Variants in KATNIP observed in about 807,000 individuals in gnomAD.
The protein encoded by KATNIP is katanin interacting protein.
In KATNIP, 126 loss-of-function variants were observed where a neutral mutation model predicts 174.0. That is an observed-to-expected ratio of 0.72 (90% confidence interval 0.63 to 0.84). The LOEUF (loss-of-function observed/expected upper bound fraction) is 0.84. Among genes scored for constraint, KATNIP ranks in the 40% least tolerant of loss-of-function variants. KATNIP has a pLI of 0.00. For synonymous variants in KATNIP, 810 were observed against 835.7 expected, an observed-to-expected ratio of 0.97 and a Z score of 0.53; for missense variants, 1,958 against 2,109.7, an observed-to-expected ratio of 0.93 and a Z score of 1.41.
At chr16:27,697,857 A>G (rs1027605878) in intron 8 of KATNIP, among the ~76,000 whole-genome samples, 5 of 152,102 alleles carry the variant, frequency 3.3e-5, no homozygotes, top group Admixed American at 1.3e-4. Context: ...TGCAGACGTC[A>G]TTCCCCTTTA....
chr16:27,779,955 T>C lies in KATNIP; in HGVS notation c.*1326T>C, dbSNP rs995562629. On this transcript the variant is annotated 3_prime_UTR_variant, in exon 28 of 28. Transcript: ENST00000261588. The stretch of plus-strand genomic sequence containing the variant: ...GCAGCTATGCAAACGCGCTTTTCAT[T>C]TGGAGCACGGGGCTGATGTGAAGAT... 1.3e-5 allele frequency: 2 copies of C among 152,178 alleles called. No individual in the cohort carries two copies. Among genetic ancestry groups the C allele is most frequent in the African/African-American group, 2.4e-5 (1 of 41,440 alleles). The allele number at this position is 152,178 out of a possible 1,614,324, so 9.4% of individuals were successfully genotyped here.
At chr16:27,704,836 A>G (rs948449265) in intron 12 of KATNIP, among the ~76,000 whole-genome samples, 3 of 152,082 alleles carry the variant, frequency 2.0e-5, no homozygotes, top group African/African-American at 7.2e-5. Context: ...GACACAAAAT[A>G]CAAAAGGGAA....
chr16:27,631,417 T>C (rs1390375072), intron 5 of KATNIP, among the ~76,000 whole-genome samples: 2 of 152,068 alleles, frequency 1.3e-5, no homozygotes, highest in Admixed American at 6.6e-5. Flanking sequence ...TGGCAGCACG[T>C]ACCTCTAGTC....
chr16:27,624,441 G>C (rs78715707), intron 3 of KATNIP, among the ~76,000 whole-genome samples: 2 of 152,176 alleles, frequency 1.3e-5, no homozygotes, highest in African/African-American at 2.4e-5. Flanking sequence ...TGTGCATCAC[G>C]TGAATAGTAG....
chr16:27,778,317 G>A (rs973033508), intron 27 of KATNIP, among the ~76,000 whole-genome samples: 2 of 152,224 alleles, frequency 1.3e-5, no homozygotes, highest in African/African-American at 2.4e-5. Flanking sequence ...CTTCCCGGAG[G>A]AGGTGATGTT....
intron 2 of KATNIP, among the ~76,000 whole-genome samples, chr16:27,590,681 G>A (rs375138303): frequency 4.6e-5 from 7 of 152,258 alleles, no homozygotes; most frequent in African/African-American, 1.7e-4. Context: ...GTATCCCCAC[G>A]GGAGCTCTCC....
At chr16:27,566,276 C>T (rs2090085221) in intron 1 of KATNIP, among the ~76,000 whole-genome samples, 1 of 152,164 alleles carries the variant, frequency 6.6e-6, no homozygotes. Flanking sequence ...TGGTAGCTCA[C>T]TCCTGTAATC....
chr16:27,586,373 T>A (rs1399392271), intron 2 of KATNIP, among the ~76,000 whole-genome samples: 1 of 151,948 alleles, frequency 6.6e-6, no homozygotes, highest in Non-Finnish European at 1.5e-5. Flanking sequence ...TTTGGGAGGC[T>A]TAGGCAGGAG....
At chr16:27,657,031 T>C (rs934243233) in intron 6 of KATNIP, among the ~76,000 whole-genome samples, 1 of 152,136 alleles carries the variant, frequency 6.6e-6, no homozygotes, top group Non-Finnish European at 1.5e-5. Flanking sequence ...AGGAGAATTT[T>C]GGAAAATGAA....
chr16:27,575,118 T>A (rs1374601334), intron 2 of KATNIP, among the ~76,000 whole-genome samples: 1 of 152,126 alleles, frequency 6.6e-6, no homozygotes, highest in Non-Finnish European at 1.5e-5. Context: ...CAATACAGTG[T>A]GAGAAGTGCT....
At chr16:27,620,560 AAC>A (rs981240492) in intron 3 of KATNIP, among the ~76,000 whole-genome samples, 2 of 152,146 alleles carry the variant, frequency 1.3e-5, no homozygotes, top group African/African-American at 4.8e-5. Flanking sequence ...GAGAAAAAAA[AAC>A]CTGCCGGATT....
At chr16:27,693,380 A>G (rs943819183) in intron 8 of KATNIP, among the ~76,000 whole-genome samples, 1 of 151,736 alleles carries the variant, frequency 6.6e-6, no homozygotes, top group African/African-American at 2.4e-5. Flanking sequence ...AAAATGGCCC[A>G]CTTGATTTTT....
At chr16:27,716,935 C>G (rs754526565) in intron 13 of KATNIP, among the ~76,000 whole-genome samples, 3 of 152,112 alleles carry the variant, frequency 2.0e-5, no homozygotes, top group Non-Finnish European at 2.9e-5. Flanking sequence ...ACCTCCACCT[C>G]CCGGGTTCGA....
intron 6 of KATNIP, among the ~76,000 whole-genome samples, chr16:27,663,152 C>CTTTTT (rs11440523): frequency 9.6e-4 from 77 of 80,016 alleles, no homozygotes; most frequent in African/African-American, 1.3e-3. Flanking sequence ...TTTTCTTCTT[C>CTTTTT]TTTTTTTTTT....
intron 20 of KATNIP, among the ~76,000 whole-genome samples, chr16:27,766,992 G>A (rs895433440): frequency 6.6e-6 from 1 of 152,196 alleles, no homozygotes; most frequent in African/African-American, 2.4e-5. Context: ...TCCGTGTGAT[G>A]TTTTGCTGAG....
At chr16:27,647,902 C>T (rs921233173) in intron 5 of KATNIP, among the ~76,000 whole-genome samples, 2 of 152,168 alleles carry the variant, frequency 1.3e-5, no homozygotes, top group Non-Finnish European at 2.9e-5. Flanking sequence ...CCTCCTGCCT[C>T]GGCCTTCCAA....
intron 2 of KATNIP, among the ~76,000 whole-genome samples, chr16:27,612,525 G>A (rs1028757201): frequency 2.6e-5 from 4 of 152,134 alleles, no homozygotes; most frequent in Admixed American, 1.3e-4. Context: ...TTGGGAGGCC[G>A]AGGCAGGTGG....
intron 8 of KATNIP, among the ~76,000 whole-genome samples, chr16:27,688,111 G>A (rs1477286684): frequency 6.6e-6 from 1 of 152,136 alleles, no homozygotes; most frequent in East Asian, 1.9e-4. Flanking sequence ...ACTTGGACAT[G>A]CATCAGAATT....
At chr16:27,773,588 A>T (rs2144238260) in intron 23 of KATNIP, among the ~76,000 whole-genome samples, 1 of 152,358 alleles carries the variant, frequency 6.6e-6, no homozygotes, top group Non-Finnish European at 1.5e-5. Context: ...TTTCTTAAGT[A>T]TGGAACCCTT....
Sources: gnomAD v4.1 joint callset for allele counts (sites outside exome capture counted in the v4.1 genomes callset) on GRCh38, gnomAD v4.1.1 for gene constraint, MANE v1.5 for transcripts, NCBI Gene and HGNC (gene_info 2026-07-23, HGNC 2026-07-21) for gene names.